LUZP2: variants seen among roughly 807,000 people sequenced by gnomAD.
LUZP2 encodes the protein leucine zipper protein 2.
A neutral mutation model predicts 51.6 loss-of-function variants in LUZP2; 52 were observed. The observed-to-expected ratio is 1.01, with a 90% confidence interval of 0.81 to 1.27. The LOEUF is 1.27. LUZP2 is among the 50% of genes most tolerant of loss of function. LUZP2 has a pLI of 0.00. For synonymous variants in LUZP2, 154 were observed against 137.3 expected (o/e 1.12, Z -0.85); for missense variants, 436 against 395.4 (o/e 1.10, Z -0.87).
At chr11:25,053,795 T>C (rs929805735) in intron 10 of LUZP2, among the ~76,000 whole-genome samples, 4 of 152,182 alleles carry the variant, frequency 2.6e-5, no homozygotes, top group Non-Finnish European at 4.4e-5. Context: ...TTTTAATCTC[T>C]GTTGAGTAGG....
intron 1 of LUZP2, among the ~76,000 whole-genome samples, chr11:24,573,453 T>TA (rs532735193): frequency 1.3e-5 from 2 of 151,288 alleles, no homozygotes; most frequent in Non-Finnish European, 3.0e-5. Context: ...GATTACCTTT[T>TA]AAAAAATGCA....
intron 1 of LUZP2, among the ~76,000 whole-genome samples, chr11:24,572,404 A>C (rs956281419): frequency 2.0e-5 from 3 of 151,850 alleles, no homozygotes; most frequent in Non-Finnish European, 2.9e-5. Flanking sequence ...TTTTTTGAAC[A>C]CAGAAGACAT....
chr11:24,644,352 G>C (rs898708227), intron 1 of LUZP2, among the ~76,000 whole-genome samples: 1 of 152,114 alleles, frequency 6.6e-6, no homozygotes, highest in African/African-American at 2.4e-5. Context: ...TTCAAAGTCT[G>C]CTTTCCCTAG....
chr11:25,041,738 G>A (rs986477964), intron 9 of LUZP2, among the ~76,000 whole-genome samples: 9 of 152,146 alleles, frequency 5.9e-5, no homozygotes, highest in Non-Finnish European at 1.2e-4. Flanking sequence ...CTCTCCTTGA[G>A]TATTCTTCAG....
chr11:24,876,063 C>A (rs576368998), intron 5 of LUZP2, among the ~76,000 whole-genome samples: 4 of 152,092 alleles, frequency 2.6e-5, no homozygotes, highest in African/African-American at 9.7e-5. Flanking sequence ...TGTCTGTTCA[C>A]TCTGATGGTA....
chr11:24,833,713 C>CAG (rs1850772187), intron 5 of LUZP2, among the ~76,000 whole-genome samples: 1 of 127,268 alleles, frequency 7.9e-6, no homozygotes, highest in African/African-American at 4.1e-5. Context: ...CGCGCGCGCG[C>CAG]ACACACACAC....
At chr11:24,587,186 C>G (rs1372413222) in intron 1 of LUZP2, among the ~76,000 whole-genome samples, 4 of 152,010 alleles carry the variant, frequency 2.6e-5, no homozygotes, top group Admixed American at 1.3e-4. Flanking sequence ...TACTCAGGCT[C>G]AAATGTATTT....
intron 1 of LUZP2, among the ~76,000 whole-genome samples, chr11:24,683,315 G>A (rs559997058): frequency 1.3e-5 from 2 of 152,288 alleles, no homozygotes; most frequent in South Asian, 2.1e-4. Context: ...TTAATGACAC[G>A]ATTCTTGTCA....
intron 1 of LUZP2, among the ~76,000 whole-genome samples, chr11:24,529,365 G>T (rs1341456130): frequency 2.0e-5 from 3 of 151,004 alleles, no homozygotes; most frequent in African/African-American, 7.3e-5. Flanking sequence ...ACAAACCCAT[G>T]AGATATTAGC....
chr11:24,889,078 G>T (rs895084944), intron 5 of LUZP2, among the ~76,000 whole-genome samples: 1 of 152,144 alleles, frequency 6.6e-6, no homozygotes, highest in Non-Finnish European at 1.5e-5. Flanking sequence ...CCCTAAATAG[G>T]TGGTATGCAG....
intron 5 of LUZP2, among the ~76,000 whole-genome samples, chr11:24,859,639 A>T (rs1851675533): frequency 6.6e-6 from 1 of 152,182 alleles, no homozygotes; most frequent in Non-Finnish European, 1.5e-5. Flanking sequence ...ACCAGCAATC[A>T]AGGTATCCAG....
intron 4 of LUZP2, among the ~76,000 whole-genome samples, chr11:24,748,982 C>A (rs943059746): frequency 2.0e-5 from 3 of 152,064 alleles, no homozygotes; most frequent in Non-Finnish European, 4.4e-5. Context: ...TAATTTGTAA[C>A]CCTTCAATTA....
rs150995036 is a variant in LUZP2 at position 24,652,889 on chromosome 11, G to C, written c.63-76280G>C. On this transcript the variant is annotated intron_variant, in intron 1 of 11. Coordinates refer to ENST00000336930, the MANE Select transcript of LUZP2 (RefSeq NM_001009909.4). ...TTAATAAGTAATAGGGTTCAAGCTA[G>C]TTGGTGGGAAAAGAGCAAAAATATC... is the stretch of plus-strand genomic sequence containing the variant. 2.2e-4 allele frequency among the ~76,000 whole-genome samples: 31 copies of C among 140,564 alleles called. No homozygotes were observed. In the East Asian group the frequency reaches 6.0e-3, roughly 27 times the overall value. 92.2% of individuals were successfully genotyped at this position (140,564 alleles called of 152,430 possible).
chr11:25,008,745 A>G (rs1044498156), intron 9 of LUZP2, among the ~76,000 whole-genome samples: 15 of 152,136 alleles, frequency 9.9e-5, no homozygotes, highest in Non-Finnish European at 7.4e-5. Context: ...GCTCGCCACC[A>G]TGAGAGGGGA....
chr11:24,886,877 G>C (rs1016929738), intron 5 of LUZP2, among the ~76,000 whole-genome samples: 1 of 152,156 alleles, frequency 6.6e-6, no homozygotes, highest in Non-Finnish European at 1.5e-5. Flanking sequence ...CATCACACTG[G>C]TGATTAGTTT....
At chr11:24,977,991 T>C (rs551067983) in intron 8 of LUZP2, among the ~76,000 whole-genome samples, 1 of 151,770 alleles carries the variant, frequency 6.6e-6, no homozygotes, top group African/African-American at 2.4e-5. Flanking sequence ...GCAAGTAAGA[T>C]GATTGCAATT....
chr11:24,566,507 T>G, intron 1 of LUZP2, among the ~76,000 whole-genome samples: 1 of 148,084 alleles, frequency 6.8e-6, no homozygotes, highest in Non-Finnish European at 1.5e-5. Flanking sequence ...TTAATTTGTG[T>G]GTGTGTGTAT....
At chr11:24,657,876 A>G (rs535631539) in intron 1 of LUZP2, among the ~76,000 whole-genome samples, 2 of 152,336 alleles carry the variant, frequency 1.3e-5, no homozygotes, top group East Asian at 3.9e-4. Flanking sequence ...AGGGATGTGA[A>G]GAACCTCTTC....
At position 24,688,327 on chromosome 11, in the gene LUZP2, A is replaced by G. The variant is rs191486258; in HGVS notation, c.63-40842A>G. Among the ~76,000 whole-genome samples, 99 of 152,264 alleles carry G rather than the reference A, an allele frequency of 6.5e-4. 2 individuals are homozygous for G. In the South Asian group the frequency reaches 0.013, roughly 20 times the overall value. ...TACAGAGACATTAAGCACTTGCCCA[A>G]TACTATGTAGCTAGAGAATTGTATG... is the stretch of plus-strand genomic sequence containing the variant. On this transcript the variant is annotated intron_variant, in intron 1 of 11. Transcript: ENST00000336930.
Sources: gnomAD v4.1 joint callset for allele counts (sites outside exome capture counted in the v4.1 genomes callset) on GRCh38, gnomAD v4.1.1 for gene constraint, MANE v1.5 for transcripts, NCBI Gene and HGNC (gene_info 2026-07-23, HGNC 2026-07-21) for gene names.